The following ERGIC1 variants were observed in gnomAD, a reference collection of about 807,000 sequenced individuals.
ERGIC1 encodes the protein endoplasmic reticulum-Golgi intermediate compartment protein 1.
A neutral mutation model predicts 38.3 loss-of-function variants in ERGIC1; 19 were observed. That is an observed-to-expected ratio of 0.50 (90% CI 0.35 to 0.73). The LOEUF (loss-of-function observed/expected upper bound fraction) is 0.73, where lower values mean the gene tolerates loss of function less well. Ranked by LOEUF, ERGIC1 falls within the 30% of genes least tolerant of loss-of-function variation. The pLI, the probability that ERGIC1 is intolerant of heterozygous loss-of-function variation, is 0.01. For missense variants in ERGIC1, 294 were observed against 389.2 expected (o/e 0.76, Z 2.06); for synonymous variants, 124 against 157.6 (o/e 0.79, Z 1.60).
Position 172,951,591 on chromosome 5 carries a change from G to T in ERGIC1, c.*775G>T, listed in dbSNP as rs1381899069. 6.6e-6 allele frequency: 1 copy of T among 152,274 alleles called. No individual in the cohort carries two copies. The highest frequency in any genetic ancestry group is 1.5e-5 in the Non-Finnish European group (1 of 68,106). 9.4% of individuals were successfully genotyped at this position (152,274 alleles called of 1,614,324 possible). On this transcript the variant is annotated 3_prime_UTR_variant, in exon 10 of 10. Transcript: ENST00000393784. The stretch of plus-strand genomic sequence containing the variant: ...CTGAACCCTCCACCAATGTGCCTCA[G>T]CCTGTGTGCTGTGTGGCAACAGCAT...
intron 1 of ERGIC1, among the ~76,000 whole-genome samples, chr5:172,856,351 A>G (rs533588308): frequency 6.6e-6 from 1 of 152,384 alleles, no homozygotes; most frequent in South Asian, 2.1e-4. Flanking sequence ...AGTCAAGGCC[A>G]TGCATGGAAC....
chr5:172,906,819 G>C (rs1268620058), intron 3 of ERGIC1, among the ~76,000 whole-genome samples: 1 of 152,112 alleles, frequency 6.6e-6, no homozygotes, highest in Non-Finnish European at 1.5e-5. Flanking sequence ...CAGGCCTTTA[G>C]ATTTGGTTCC....
intron 1 of ERGIC1, among the ~76,000 whole-genome samples, chr5:172,885,716 C>T (rs944606166): frequency 1.3e-4 from 15 of 115,672 alleles, no homozygotes; most frequent in African/African-American, 5.1e-4. Flanking sequence ...TCCTGCTGCT[C>T]ATTTCTCCAG....
At position 172,858,769 on chromosome 5, in the gene ERGIC1, CAGAA is replaced by C. The variant is rs552108927; in HGVS notation, c.20+24342_20+24345del. On this transcript the variant is annotated intron_variant, in intron 1 of 9. Transcript: ENST00000393784. Reference sequence around the variant, plus strand: ...ATGGGTGGGGGTCCGCTGTTGTCCACAGAAAGAAAACAGGGCTGGGAGCTTGTGA... The same window carrying C: ...ATGGGTGGGGGTCCGCTGTTGTCCACAGAAAACAGGGCTGGGAGCTTGTGA... Among the ~76,000 whole-genome samples, 3 of 152,360 alleles carry C rather than the reference CAGAA, an allele frequency of 2.0e-5. No individual in the cohort carries two copies. The South Asian group carries it at 6.2e-4, about 32-fold the overall frequency.
At chr5:172,949,998 G>A (rs1185200575) in intron 9 of ERGIC1, among the ~76,000 whole-genome samples, 1 of 152,152 alleles carries the variant, frequency 6.6e-6, no homozygotes, top group Non-Finnish European at 1.5e-5. Context: ...CCGTGAACCC[G>A]GGAGGCGGAG....
At chr5:172,886,362 C>G (rs1356410063) in intron 1 of ERGIC1, among the ~76,000 whole-genome samples, 2 of 152,238 alleles carry the variant, frequency 1.3e-5, no homozygotes, top group African/African-American at 4.8e-5. Context: ...CCCTCCTGCT[C>G]TGTGCACACA....
intron 1 of ERGIC1, among the ~76,000 whole-genome samples, chr5:172,862,307 CAAAAAAAAAAA>C (rs58968820): frequency 4.0e-5 from 2 of 49,480 alleles, no homozygotes; most frequent in Non-Finnish European, 6.2e-5. Flanking sequence ...GACTACATCT[CAAAAAAAAAAA>C]AAAAAAAAAA....
At chr5:172,870,078 A>G (rs1761963013) in intron 1 of ERGIC1, among the ~76,000 whole-genome samples, 1 of 152,132 alleles carries the variant, frequency 6.6e-6, no homozygotes, top group Non-Finnish European at 1.5e-5. Flanking sequence ...TTCTTGCTGT[A>G]TCTTTCATTC....
chr5:172,906,205 T>C, intron 3 of ERGIC1: 1 of 456,050 alleles, frequency 2.2e-6, no homozygotes, highest in Non-Finnish European at 4.4e-6. Context: ...TCTCCCATCC[T>C]AAGGCTTCCC....
chr5:172,845,566 G>C (rs1160943260), intron 1 of ERGIC1, among the ~76,000 whole-genome samples: 1 of 152,184 alleles, frequency 6.6e-6, no homozygotes, highest in Non-Finnish European at 1.5e-5. Context: ...ACATAGTGCT[G>C]AGCCAAACAG....
rs78991708 is a variant in ERGIC1, at chr5:172,843,948, C to T, written c.20+9515C>T. Among the ~76,000 whole-genome samples the T allele has an allele frequency of 8.9e-3, 1,362 of 152,258 alleles. 9 individuals are homozygous for T. The highest frequency in any genetic ancestry group is 0.014 in the Non-Finnish European group (966 of 68,014). The stretch of plus-strand genomic sequence containing the variant: ...AATGTGAGACAAGTATACTTGGAGG[C>T]GGGAGGACATTTCCCTCTCCTCTGC... On this transcript the variant is annotated intron_variant, in intron 1 of 9. Transcript: ENST00000393784.
At chr5:172,861,485 A>G (rs751886256) in intron 1 of ERGIC1, among the ~76,000 whole-genome samples, 6 of 152,210 alleles carry the variant, frequency 3.9e-5, no homozygotes, top group Non-Finnish European at 8.8e-5. Flanking sequence ...CCCCAGTGCC[A>G]TCAATGGAGC....
intron 3 of ERGIC1, among the ~76,000 whole-genome samples, chr5:172,908,667 C>G (rs920791471): frequency 5.3e-5 from 8 of 152,128 alleles, no homozygotes; most frequent in African/African-American, 1.9e-4. Context: ...TAGGCAGCGC[C>G]TAGAAGCTGA....
chr5:172,883,986 C>G (rs1762349543), intron 1 of ERGIC1, among the ~76,000 whole-genome samples: 1 of 152,050 alleles, frequency 6.6e-6, no homozygotes, highest in Non-Finnish European at 1.5e-5. Flanking sequence ...CCCTCCAGCC[C>G]CCATCAAAAA....
At chr5:172,881,333 C>G (rs1762279456) in intron 1 of ERGIC1, among the ~76,000 whole-genome samples, 1 of 152,178 alleles carries the variant, frequency 6.6e-6, no homozygotes, top group South Asian at 2.1e-4. Context: ...ACTCACCGCC[C>G]AGCTTCACCA....
chr5:172,894,276 A>C (rs1438140909), intron 2 of ERGIC1, among the ~76,000 whole-genome samples: 3 of 144,556 alleles, frequency 2.1e-5, no homozygotes, highest in Non-Finnish European at 4.5e-5. Context: ...GCTCACTGCA[A>C]CCTCTGCCTC....
At chr5:172,845,159 G>T (rs973209342) in intron 1 of ERGIC1, among the ~76,000 whole-genome samples, 2 of 152,162 alleles carry the variant, frequency 1.3e-5, no homozygotes, top group Non-Finnish European at 2.9e-5. Flanking sequence ...CCCAGGAGGG[G>T]AGTGTTGTTA....
At chr5:172,889,074 C>T (rs1480228730) in intron 2 of ERGIC1, among the ~76,000 whole-genome samples, 2 of 152,178 alleles carry the variant, frequency 1.3e-5, no homozygotes, top group Admixed American at 6.5e-5. Context: ...CAATTGACAT[C>T]AGGAGTTCGA....
At chr5:172,931,179 C>G (rs527647159) in intron 7 of ERGIC1, 1 of 152,104 alleles carries the variant, frequency 6.6e-6, no homozygotes, top group Non-Finnish European at 1.5e-5. Context: ...GTCCGTGACC[C>G]GAGATTGTGG....
Sources: allele counts gnomAD v4.1 joint callset (sites outside exome capture counted in the v4.1 genomes callset), GRCh38; gene constraint gnomAD v4.1.1; transcripts MANE v1.5; gene names NCBI Gene and HGNC (gene_info 2026-07-23, HGNC 2026-07-21).